Variants in MED15 observed in about 807,000 individuals in gnomAD.
The protein encoded by MED15 is mediator complex subunit 15.
In MED15, 41 loss-of-function variants were observed where a neutral mutation model predicts 118.7. The observed-to-expected ratio is 0.35, with a 90% confidence interval of 0.27 to 0.45. The LOEUF (loss-of-function observed/expected upper bound fraction) is 0.45. Ranked by LOEUF, MED15 falls within the 20% of genes least tolerant of loss-of-function variation. MED15 has a pLI of 1.00. For synonymous variants in MED15, 436 were observed against 413.9 expected (o/e 1.05, Z -0.65); for missense variants, 740 against 1,025.5 (o/e 0.72, Z 3.80).
At chr22:20,561,265 A>G (rs867041800) in intron 5 of MED15, among the ~76,000 whole-genome samples, 1 of 152,348 alleles carries the variant, frequency 6.6e-6, no homozygotes, top group African/African-American at 2.4e-5. Flanking sequence ...TCAGGCCTGT[A>G]ATCGCAGCAC....
At chr22:20,525,851 A>G (rs2054625828) in intron 1 of MED15, among the ~76,000 whole-genome samples, 1 of 151,756 alleles carries the variant, frequency 6.6e-6, no homozygotes, top group African/African-American at 2.4e-5. Context: ...ACCCTTCTTA[A>G]TAGCTATTGT....
intron 1 of MED15, among the ~76,000 whole-genome samples, chr22:20,532,645 G>A (rs750475830): frequency 3.9e-5 from 6 of 152,164 alleles, no homozygotes; most frequent in Non-Finnish European, 7.3e-5. Flanking sequence ...CTGGCTGGTC[G>A]CAACCAGGGA....
Position 20,583,376 on chromosome 22 carries a change from G to C in MED15, c.1719G>C (p.Leu573=). 2 of 1,612,024 alleles carry C rather than the reference G, an allele frequency of 1.2e-6. No individual in the cohort carries two copies. The highest frequency in any genetic ancestry group is 1.7e-6 in the Non-Finnish European group (2 of 1,180,032). ...LSKMKSLLDI[L]TDPSKRCPLK... Reference sequence around the variant, plus strand: ...AGATGAAGAGCCTTCTGGACATTCTGACAGACCCCTCGAAGCGGTGAGCTT... The same window carrying C: ...AGATGAAGAGCCTTCTGGACATTCTCACAGACCCCTCGAAGCGGTGAGCTT... The change falls in exon 13 of 18, where the codon CTG becomes CTC. Residue 573 remains leucine (L), a synonymous_variant. Transcript: ENST00000263205.
chr22:20,570,899 G>C (rs1481904758), intron 8 of MED15, among the ~76,000 whole-genome samples: 2 of 151,020 alleles, frequency 1.3e-5, no homozygotes, highest in Non-Finnish European at 3.0e-5. Flanking sequence ...CAAGTAGCTG[G>C]GACTACAGGC....
intron 6 of MED15, among the ~76,000 whole-genome samples, chr22:20,565,558 G>T (rs1397326566): frequency 6.6e-6 from 1 of 152,164 alleles, no homozygotes; most frequent in East Asian, 1.9e-4. Context: ...GTCTTGGTTG[G>T]GAGAGGAAAG....
intron 2 of MED15, 74 bp from the exon 3 acceptor site, chr22:20,551,362 G>A: frequency 2.2e-6 from 3 of 1,371,744 alleles, no homozygotes; most frequent in Non-Finnish European, 3.1e-6. Flanking sequence ...CAGCAGGCGA[G>A]GGGGCGGGAA....
chr22:20,553,303 C>CT (rs779468668), intron 4 of MED15, 129 bp downstream of exon 4: 11 of 974,156 alleles, frequency 1.1e-5, no homozygotes, highest in Non-Finnish European at 1.7e-5. Flanking sequence ...GGAGAGAACT[C>CT]TGGAGGGAGG....
chr22:20,514,782 G>A (rs1041813702), intron 1 of MED15, among the ~76,000 whole-genome samples: 1 of 152,222 alleles, frequency 6.6e-6, no homozygotes, highest in African/African-American at 2.4e-5. Flanking sequence ...CCTTAAACTT[G>A]CAAGCCCAGA....
intron 8 of MED15, among the ~76,000 whole-genome samples, chr22:20,572,640 C>G (rs562584336): frequency 1.5e-4 from 7 of 47,180 alleles, no homozygotes; most frequent in Admixed American, 8.1e-4. Context: ...CCAAGACATG[C>G]AGGCACAGTG....
At chr22:20,518,156 A>G (rs542113434) in intron 1 of MED15, among the ~76,000 whole-genome samples, 1 of 132,698 alleles carries the variant, frequency 7.5e-6, no homozygotes, top group South Asian at 2.4e-4. Context: ...GCTGAGTTTT[A>G]TTAAACAGAT....
intron 5 of MED15, among the ~76,000 whole-genome samples, chr22:20,559,979 C>T (rs2056170041): frequency 6.6e-6 from 1 of 152,164 alleles, no homozygotes; most frequent in Non-Finnish European, 1.5e-5. Context: ...CCCAGGGTGA[C>T]ATTCCACCAC....
At chr22:20,542,594 G>T (rs189638244) in intron 2 of MED15, among the ~76,000 whole-genome samples, 63 of 152,304 alleles carry the variant, frequency 4.1e-4, no homozygotes, top group African/African-American at 1.3e-3. Context: ...TGGGTCCATG[G>T]CTCTGACTTC....
In MED15 at chr22:20,584,015, T is replaced by C. The variant is rs2057064188; in HGVS notation, c.1737-344T>C. The C allele has an allele frequency of 8.6e-6, 3 of 347,454 alleles. No homozygotes were observed. In the South Asian group the frequency reaches 9.8e-5, roughly 11 times the overall value. The allele number at this position is 347,454 out of a possible 1,614,324, so 21.5% of individuals were successfully genotyped here. ...TGTCTGGATAGAATGCCAGTCACTA[T>C]TGGGTGGTCCTCCAGGTCTTCATGG... is the stretch of plus-strand genomic sequence containing the variant. On this transcript the variant is annotated intron_variant, in intron 13 of 17. Transcript: ENST00000263205.
intron 8 of MED15, chr22:20,574,347 C>T (rs2056759411): frequency 6.6e-6 from 1 of 152,350 alleles, no homozygotes; most frequent in African/African-American, 2.4e-5. Context: ...CAACAGTGCT[C>T]AGCTGTCCTG....
At position 20,587,104 on chromosome 22, in the gene MED15, C is replaced by CA. The variant is rs2057158048; in HGVS notation, c.*401dup. The CA allele has an allele frequency of 4.7e-6, 1 of 210,558 alleles. No individual in the cohort carries two copies. The highest frequency in any genetic ancestry group is 9.7e-6 in the Non-Finnish European group (1 of 103,364). The allele number at this position is 210,558 out of a possible 1,614,324, so 13.0% of individuals were successfully genotyped here. On this transcript the variant is annotated 3_prime_UTR_variant, in exon 18 of 18. Coordinates refer to ENST00000263205, the MANE Select transcript of MED15 (RefSeq NM_001003891.3). ...ACTCGTTCCTATAGAACACAGAGGACATAGGAAACCCTTAAAACACACATG... is the reference window on the plus strand; with the variant it reads ...ACTCGTTCCTATAGAACACAGAGGACAATAGGAAACCCTTAAAACACACATG...
intron 6 of MED15, 51 bp from the exon 7 acceptor site, chr22:20,566,416 T>C (rs1208717656): frequency 6.3e-7 from 1 of 1,596,640 alleles, no homozygotes; most frequent in Non-Finnish European, 8.5e-7. Flanking sequence ...GAGGAGCTGG[T>C]GCCACAGAGG....
rs2057066857 is a variant in MED15, at chr22:20,584,095, A to G, written c.1737-264A>G. 1.1e-5 allele frequency: 6 copies of G among 532,138 alleles called. No individual in the cohort carries two copies. The South Asian group carries it at 1.3e-4, about 11-fold the overall frequency. 33.0% of individuals were successfully genotyped at this position (532,138 alleles called of 1,614,324 possible). On this transcript the variant is annotated intron_variant, in intron 13 of 17. Coordinates refer to ENST00000263205, the MANE Select transcript of MED15 (RefSeq NM_001003891.3). ...AGTGGGGCAGGGACTGGCCTACATG[A>G]CAATGAGGCATTCACAGCCTGATCA...
intron 1 of MED15, chr22:20,523,509 C>A: frequency 3.4e-6 from 1 of 294,660 alleles, no homozygotes; most frequent in Non-Finnish European, 5.0e-6. Flanking sequence ...TTTTAAATCA[C>A]ATCCCAGACA....
chr22:20,538,652 A>G (rs548943341), intron 2 of MED15, among the ~76,000 whole-genome samples: 1 of 152,112 alleles, frequency 6.6e-6, no homozygotes, highest in South Asian at 2.1e-4. Flanking sequence ...AGATTTGCCT[A>G]TTCGGAATTT....
Sources: gnomAD v4.1 joint callset for allele counts (sites outside exome capture counted in the v4.1 genomes callset) on GRCh38, gnomAD v4.1.1 for gene constraint, MANE v1.5 for transcripts, NCBI Gene and HGNC (gene_info 2026-07-23, HGNC 2026-07-21) for gene names.